Variants in ELF4 observed in about 807,000 individuals in gnomAD.
The protein encoded by ELF4 is E74 like ETS transcription factor 4, also known as ETS-related transcription factor Elf-4.
In ELF4, 10 loss-of-function variants were observed where a neutral mutation model predicts 31.7. The ratio of observed to expected loss-of-function variants is 0.32; its 90% CI spans 0.19 to 0.54. ELF4 has a LOEUF of 0.54. Ranked by LOEUF, ELF4 falls within the 20% of genes least tolerant of loss-of-function variation. The pLI, the probability that ELF4 is intolerant of heterozygous loss-of-function variation, is 0.95. For missense variants in ELF4, 418 were observed against 522.0 expected, an observed-to-expected ratio of 0.80 and a Z score of 1.94; for synonymous variants, 208 against 226.7, an observed-to-expected ratio of 0.92 and a Z score of 0.74.
At position 130,074,222 on chromosome X, in the gene ELF4, C is replaced by A. The variant is rs1453231595; in HGVS notation, c.248-81G>T. 6.8e-6 allele frequency: 7 copies of A among 1,023,913 alleles called. No homozygotes were observed. In the Admixed American group the frequency reaches 1.6e-4, roughly 23 times the overall value. 84.4% of individuals were successfully genotyped at this position (1,023,913 alleles called of 1,213,427 possible). ...CAGGGGGTACAGCTATAATCAGGGC[C>A]AGCCCGAAGAAAGGATGGTGGTAAG... On this transcript the variant is annotated intron_variant, in intron 3 of 8. Coordinates refer to ENST00000308167, the MANE Select transcript of ELF4 (RefSeq NM_001421.4).
At position 130,067,519 on chromosome X, in the gene ELF4, A is replaced by T. The variant is rs769731186; in HGVS notation, c.1194T>A (p.Ser398=). 2.5e-6 allele frequency: 3 copies of T among 1,211,581 alleles called. No individual in the cohort carries two copies. The Admixed American group carries it at 6.5e-5, about 26-fold the overall frequency. ...CTAGGTGGATGTTGCTGGGCACTGA[A>T]GATGCACTGAGAAGAAACAGAGAAC... ...QVKLTKAVSA[S]SVPSNIHLGV... Residue 398 remains serine (S), a synonymous_variant, in exon 9 of 9, where the codon TCT becomes TCA. Transcript: ENST00000308167.
At chrX:130,104,210 T>C (rs1360431789) in intron 1 of ELF4, among the ~76,000 whole-genome samples, 1 of 110,229 alleles carries the variant, frequency 9.1e-6, no homozygotes, top group Non-Finnish European at 1.9e-5. Context: ...AAGAAGGCAA[T>C]GTTAGTACAA....
At chrX:130,097,626 CTA>C (rs1330407048) in intron 1 of ELF4, among the ~76,000 whole-genome samples, 2 of 112,128 alleles carry the variant, frequency 1.8e-5, no homozygotes, top group Non-Finnish European at 3.8e-5. Flanking sequence ...TTCAAATTCT[CTA>C]TGACAATCCT....
chrX:130,079,663 T>C (rs1028794680), intron 2 of ELF4, among the ~76,000 whole-genome samples: 5 of 101,255 alleles, frequency 4.9e-5, no homozygotes, highest in Non-Finnish European at 1.0e-4. Flanking sequence ...GGGAGGGAAA[T>C]TGAGGGCGTC....
chrX:130,065,200 T>C lies in ELF4; in HGVS notation c.*1521A>G, dbSNP rs750591095. On this transcript the variant is annotated 3_prime_UTR_variant, in exon 9 of 9. Coordinates refer to ENST00000308167, the MANE Select transcript of ELF4 (RefSeq NM_001421.4). Reference sequence around the variant, plus strand: ...CACATTACCCAAAGTCACCAGATAATAGAGTTGTTTCCGTGGCTGACATTT... The same window carrying C: ...CACATTACCCAAAGTCACCAGATAACAGAGTTGTTTCCGTGGCTGACATTT... 8 of 173,367 alleles carry C rather than the reference T, an allele frequency of 4.6e-5. No individual in the cohort carries two copies. The highest frequency in any genetic ancestry group is 6.3e-4 in the South Asian group (2 of 3,167). 14.3% of individuals were successfully genotyped at this position (173,367 alleles called of 1,213,427 possible).
At chrX:130,104,714 T>TAG (rs1183609879) in intron 1 of ELF4, among the ~76,000 whole-genome samples, 1 of 111,883 alleles carries the variant, frequency 8.9e-6, no homozygotes. Context: ...CATATAAATG[T>TAG]AGAGAGCCTG....
At chrX:130,084,541 G>A (rs1454741324) in intron 1 of ELF4, among the ~76,000 whole-genome samples, 1 of 112,046 alleles carries the variant, frequency 8.9e-6, no homozygotes, top group Non-Finnish European at 1.9e-5. Flanking sequence ...GACTTGGTGG[G>A]TGCAGGCTTT....
In ELF4 at chrX:130,078,760, T is replaced by TACACACA. The variant is rs1400014183; in HGVS notation, c.75+2495_75+2496insTGTGTGT. Among the ~76,000 whole-genome samples the TACACACA allele has an allele frequency of 9.3e-4, 71 of 76,438 alleles. 1 individual carries two copies. Among genetic ancestry groups the TACACACA allele is most frequent in the Non-Finnish European group, 1.4e-3 (55 of 39,934 alleles). The allele number at this position is 76,438 out of a possible 115,157, so 66.4% of individuals were successfully genotyped here. ...CAACAAGAGCAAAACTCTCTCTCTC[T>TACACACA]CTACACACACACACACACACACACA... On this transcript the variant is annotated intron_variant, in intron 2 of 8. Coordinates refer to ENST00000308167, the MANE Select transcript of ELF4 (RefSeq NM_001421.4).
chrX:130,082,573 G>A (rs765998180), intron 1 of ELF4, among the ~76,000 whole-genome samples: 1 of 111,250 alleles, frequency 9.0e-6, no homozygotes, highest in Non-Finnish European at 1.9e-5. Context: ...CTCGCCCCAC[G>A]TGCCCTCAGC....
At chrX:130,094,591 G>A (rs1021719477) in intron 1 of ELF4, among the ~76,000 whole-genome samples, 1 of 108,378 alleles carries the variant, frequency 9.2e-6, no homozygotes, top group Non-Finnish European at 1.9e-5. Flanking sequence ...GAGAGAGAGA[G>A]AGCAGGGTCC....
At chrX:130,070,279 T>C in intron 7 of ELF4, among the ~76,000 whole-genome samples, 2 of 107,234 alleles carry the variant, frequency 1.9e-5, no homozygotes, top group Non-Finnish European at 3.9e-5. Flanking sequence ...CTATTAAAAA[T>C]ACAAAAAATG....
chrX:130,072,839 T>C (rs1237705949), intron 4 of ELF4, among the ~76,000 whole-genome samples: 2 of 111,807 alleles, frequency 1.8e-5, no homozygotes, highest in Non-Finnish European at 3.8e-5. Flanking sequence ...AGCAAGTTGG[T>C]GCCCGGTACA....
chrX:130,080,355 C>T (rs1343546259), intron 2 of ELF4, among the ~76,000 whole-genome samples: 1 of 100,044 alleles, frequency 1.0e-5, no homozygotes. Flanking sequence ...ACATGGGAGG[C>T]AGAGGTTGCA....
Position 130,071,007 on chromosome X carries a change from G to A in ELF4, c.809+33C>T, listed in dbSNP as rs1932782772. ...TAAGGAAGGATTGGTGATCCCCAGG[G>A]CAGGGGTTCTGCATCATCCCAACAG... On this transcript the variant is annotated intron_variant, in intron 7 of 8. Coordinates refer to ENST00000308167, the MANE Select transcript of ELF4 (RefSeq NM_001421.4). 7 of 1,208,159 alleles carry A rather than the reference G, an allele frequency of 5.8e-6. No homozygotes were observed. In the East Asian group the frequency reaches 2.1e-4, roughly 36 times the overall value.
In ELF4 at chrX:130,089,774, C is replaced by A. The variant is rs184846514; in HGVS notation, c.-209-8235G>T. 2.7e-5 allele frequency among the ~76,000 whole-genome samples: 3 copies of A among 112,062 alleles called. No individual in the cohort carries two copies. In the Admixed American group the frequency reaches 2.9e-4, roughly 11 times the overall value. On this transcript the variant is annotated intron_variant, in intron 1 of 8. Coordinates refer to ENST00000308167, the MANE Select transcript of ELF4 (RefSeq NM_001421.4). ...AACCCTTTCCTCTGGCAAGAACACA[C>A]AGCAGTCAAAGATTCAGGGCTGGCC...
chrX:130,065,981 C>A lies in ELF4; in HGVS notation c.*740G>T, dbSNP rs1189692918. Reference sequence around the variant, plus strand: ...GAGGGCTGCTCCCAGAGCTGACTTCCCTTCCCTCCCTTCGTGGTTTTACCC... The same window carrying A: ...GAGGGCTGCTCCCAGAGCTGACTTCACTTCCCTCCCTTCGTGGTTTTACCC... On this transcript the variant is annotated 3_prime_UTR_variant, in exon 9 of 9. Transcript: ENST00000308167. The A allele has an allele frequency of 1.2e-5, 2 of 172,974 alleles. No homozygotes were observed. The highest frequency in any genetic ancestry group is 2.2e-5 in the Non-Finnish European group (2 of 90,782). 14.3% of individuals were successfully genotyped at this position (172,974 alleles called of 1,213,427 possible).
chrX:130,110,733 C>T (rs1933471508), upstream of ELF4: 2 of 105,274 alleles, frequency 1.9e-5, no homozygotes, highest in African/African-American at 6.9e-5. Context: ...GACGGCGGCG[C>T]CCCTGATAAA....
At chrX:130,094,738 C>T (rs1053239000) in intron 1 of ELF4, among the ~76,000 whole-genome samples, 2 of 111,519 alleles carry the variant, frequency 1.8e-5, no homozygotes, top group African/African-American at 6.5e-5. Flanking sequence ...TACGGCTTCA[C>T]AGCTGGTAGG....
chrX:130,111,785 G>C (rs1933494344), upstream of ELF4, among the ~76,000 whole-genome samples: 2 of 112,236 alleles, frequency 1.8e-5, no homozygotes, highest in Non-Finnish European at 3.8e-5. Flanking sequence ...AGCCACTCAG[G>C]CACGCTCCCC....
Sources: gnomAD v4.1 joint callset for allele counts (sites outside exome capture counted in the v4.1 genomes callset) on GRCh38, gnomAD v4.1.1 for gene constraint, MANE v1.5 for transcripts, NCBI Gene and HGNC (gene_info 2026-07-23, HGNC 2026-07-21) for gene names.